Variants in ADAMTS19 observed in about 807,000 individuals in gnomAD.
ADAMTS19 encodes A disintegrin and metalloproteinase with thrombospondin motifs 19.
In ADAMTS19, 93 loss-of-function variants were observed where a neutral mutation model predicts 153.3. The ratio of observed to expected loss-of-function variants is 0.61; its 90% CI spans 0.51 to 0.72. The LOEUF (loss-of-function observed/expected upper bound fraction) is 0.72, where lower values mean the gene tolerates loss of function less well. ADAMTS19 is among the 30% of genes least tolerant of loss of function. ADAMTS19 has a pLI of 0.00. For missense variants in ADAMTS19, 1,482 were observed against 1,552.1 expected, an observed-to-expected ratio of 0.95 and a Z score of 0.76; for synonymous variants, 600 against 556.6, an observed-to-expected ratio of 1.08 and a Z score of -1.10.
At chr5:129,665,385 A>G in intron 15 of ADAMTS19, 114 bp from the exon 16 acceptor site, 3 of 772,762 alleles carry the variant, frequency 3.9e-6, no homozygotes, top group Non-Finnish European at 5.9e-6. Context: ...TTACGTAAGT[A>G]CTGAAATATC....
chr5:129,714,834 A>G (rs1173072584), intron 21 of ADAMTS19, among the ~76,000 whole-genome samples: 1 of 152,350 alleles, frequency 6.6e-6, no homozygotes, highest in Non-Finnish European at 1.5e-5. Context: ...GCACTTTTGC[A>G]TAATTTGCTA....
At chr5:129,551,179 AG>A (rs1753078136) in intron 6 of ADAMTS19, among the ~76,000 whole-genome samples, 1 of 151,702 alleles carries the variant, frequency 6.6e-6, no homozygotes, top group African/African-American at 2.4e-5. Context: ...GTAGATTAAA[AG>A]TTTTGCTTTC....
intron 2 of ADAMTS19, among the ~76,000 whole-genome samples, chr5:129,494,722 C>G (rs1026697307): frequency 6.6e-6 from 1 of 152,156 alleles, no homozygotes; most frequent in Non-Finnish European, 1.5e-5. Flanking sequence ...GCATTATTCT[C>G]TATATTATCG....
At chr5:129,713,194 G>A (rs552530552) in intron 21 of ADAMTS19, among the ~76,000 whole-genome samples, 2 of 152,162 alleles carry the variant, frequency 1.3e-5, no homozygotes, top group Non-Finnish European at 2.9e-5. Context: ...ACCTCAAAAG[G>A]ATTCTATGTT....
intron 8 of ADAMTS19, among the ~76,000 whole-genome samples, chr5:129,597,219 T>C (rs981641333): frequency 2.0e-5 from 3 of 152,198 alleles, no homozygotes; most frequent in Admixed American, 2.0e-4. Context: ...GAGGTAGTTA[T>C]TGTTCTAATT....
chr5:129,629,302 A>G (rs1458127468), intron 10 of ADAMTS19, among the ~76,000 whole-genome samples: 1 of 152,122 alleles, frequency 6.6e-6, no homozygotes, highest in East Asian at 1.9e-4. Context: ...TAGGGCAGGT[A>G]TCTTGTTTCA....
chr5:129,646,852 A>C lies in ADAMTS19; in HGVS notation c.1873-913A>C, dbSNP rs1007299355. On this transcript the variant is annotated intron_variant, in intron 11 of 22. Coordinates refer to ENST00000274487, the MANE Select transcript of ADAMTS19 (RefSeq NM_133638.6). ...AATCTAAATGCTTGTAATCTTACTT[A>C]TTATTCTCAATATGATTTTGTTACT... Among the ~76,000 whole-genome samples the C allele has an allele frequency of 2.6e-5, 4 of 152,122 alleles. No homozygotes were observed. The South Asian group carries it at 6.2e-4, about 24-fold the overall frequency.
rs371562302 is a variant in ADAMTS19, at chr5:129,574,284, G to A, written c.1373-22275G>A. Among the ~76,000 whole-genome samples, 72 of 151,440 alleles carry A rather than the reference G, an allele frequency of 4.8e-4. 3 individuals carry two copies. In the South Asian group the frequency reaches 0.013, roughly 27 times the overall value. On this transcript the variant is annotated intron_variant, in intron 7 of 22. Coordinates refer to ENST00000274487, the MANE Select transcript of ADAMTS19 (RefSeq NM_133638.6). Reference sequence around the variant, plus strand: ...AGAAAAGACAACTAACTTTTTTTTCGGCATTTTTTTCTTTATTTCTTCTAA... The same window carrying A: ...AGAAAAGACAACTAACTTTTTTTTCAGCATTTTTTTCTTTATTTCTTCTAA...
chr5:129,547,365 C>T (rs184003659), intron 6 of ADAMTS19, among the ~76,000 whole-genome samples: 22 of 150,840 alleles, frequency 1.5e-4, no homozygotes, highest in Non-Finnish European at 2.9e-5. Flanking sequence ...TGCAGTAAAG[C>T]CCATTTCAAA....
chr5:129,594,243 T>A (rs1197946222), intron 7 of ADAMTS19, among the ~76,000 whole-genome samples: 1 of 152,194 alleles, frequency 6.6e-6, no homozygotes, highest in Non-Finnish European at 1.5e-5. Context: ...TTAGAATGGA[T>A]ACTGGAGAAG....
At chr5:129,499,322 A>C (rs1445398015) in intron 2 of ADAMTS19, among the ~76,000 whole-genome samples, 1 of 152,056 alleles carries the variant, frequency 6.6e-6, no homozygotes, top group African/African-American at 2.4e-5. Context: ...AGCAACAACA[A>C]CTAAAGCAGT....
chr5:129,553,146 T>C (rs958352959), intron 7 of ADAMTS19, among the ~76,000 whole-genome samples: 32 of 152,242 alleles, frequency 2.1e-4, no homozygotes, highest in African/African-American at 7.2e-4. Context: ...ATAATAACCT[T>C]TTCTTTCATG....
chr5:129,612,414 C>T lies in ADAMTS19; in HGVS notation c.1479-8204C>T, dbSNP rs909118417. 2.0e-5 allele frequency among the ~76,000 whole-genome samples: 3 copies of T among 151,920 alleles called. No homozygotes were observed. In the East Asian group the frequency reaches 5.8e-4, roughly 29 times the overall value. ...GTTGCTTAAAGAAAAGAATTTTCAA[C>T]CCAGAATTTCATATCCAGCCAAACT... On this transcript the variant is annotated intron_variant, in intron 8 of 22. Transcript: ENST00000274487.
chr5:129,549,361 A>T (rs1350759109), intron 6 of ADAMTS19, among the ~76,000 whole-genome samples: 1 of 151,618 alleles, frequency 6.6e-6, no homozygotes, highest in East Asian at 1.9e-4. Flanking sequence ...CTCAGAGAAA[A>T]TGGATGTTGA....
chr5:129,699,535 ACAAAGAAAAGAAGG>A (rs1380680031), intron 19 of ADAMTS19, among the ~76,000 whole-genome samples: 1 of 152,164 alleles, frequency 6.6e-6, no homozygotes, highest in Non-Finnish European at 1.5e-5. Flanking sequence ...CTTATATATT[ACAAAGAAAAGAAGG>A]CCAAATTCAT....
intron 2 of ADAMTS19, among the ~76,000 whole-genome samples, chr5:129,497,674 C>T (rs1750969998): frequency 6.6e-6 from 1 of 152,056 alleles, no homozygotes; most frequent in Admixed American, 6.6e-5. Context: ...TTCTTCTGTG[C>T]CACTGTTCCC....
At position 129,528,406 on chromosome 5, in the gene ADAMTS19, T is replaced by C. The variant is rs1752088303; in HGVS notation, c.1171-114T>C. On this transcript the variant is annotated intron_variant, in intron 5 of 22. Coordinates refer to ENST00000274487, the MANE Select transcript of ADAMTS19 (RefSeq NM_133638.6). The stretch of plus-strand genomic sequence containing the variant: ...GTCTTCCAGGTTCTAATTAATGTTA[T>C]GGTCAGCAGTTTGCTTTAGTAATTC... 8.0e-6 allele frequency: 6 copies of C among 751,486 alleles called. No homozygotes were observed. In the Admixed American group the frequency reaches 1.8e-4, roughly 22 times the overall value. 46.6% of individuals were successfully genotyped at this position (751,486 alleles called of 1,614,324 possible).
chr5:129,524,458 G>T (rs1751932161), intron 3 of ADAMTS19, among the ~76,000 whole-genome samples: 1 of 152,076 alleles, frequency 6.6e-6, no homozygotes, highest in Non-Finnish European at 1.5e-5. Context: ...TGACAAATGG[G>T]ATCTAATTAA....
chr5:129,552,488 A>G (rs1440045429), intron 7 of ADAMTS19, among the ~76,000 whole-genome samples: 1 of 151,636 alleles, frequency 6.6e-6, no homozygotes, highest in Non-Finnish European at 1.5e-5. Flanking sequence ...ATGTATCTAT[A>G]TAAATATAAA....
Sources: gnomAD v4.1 joint callset for allele counts (sites outside exome capture counted in the v4.1 genomes callset) on GRCh38, gnomAD v4.1.1 for gene constraint, MANE v1.5 for transcripts, NCBI Gene and HGNC (gene_info 2026-07-23, HGNC 2026-07-21) for gene names.